Variants in MAST4 observed in about 807,000 individuals in gnomAD.
MAST4 encodes the protein microtubule-associated serine/threonine-protein kinase 4.
Under a neutral mutation model 162.7 loss-of-function variants are expected in MAST4, and 89 were observed. The observed-to-expected ratio is 0.55, with a 90% CI of 0.46 to 0.65. MAST4 has a LOEUF of 0.65. Ranked by LOEUF, MAST4 falls within the 30% of genes least tolerant of loss-of-function variation. The probability of loss-of-function intolerance (pLI) is 0.00; values close to 1 mark genes in which losing one functional copy is unlikely to be tolerated. For synonymous variants in MAST4, 1,479 were observed against 1,361.1 expected, an observed-to-expected ratio of 1.09 and a Z score of -1.91; for missense variants, 3,153 against 3,374.0, an observed-to-expected ratio of 0.93 and a Z score of 1.62.
chr5:66,995,700 C>A (rs966619428), intron 4 of MAST4, among the ~76,000 whole-genome samples: 1 of 152,100 alleles, frequency 6.6e-6, no homozygotes, highest in South Asian at 2.1e-4. Context: ...CATGCCCAGA[C>A]GAAAATTTTT....
chr5:67,061,158 C>CTG (rs10538886), intron 5 of MAST4, among the ~76,000 whole-genome samples: 8,920 of 151,254 alleles, frequency 0.059, 486 homozygotes, highest in East Asian at 0.2. Context: ...TGTATGTACT[C>CTG]TGTGTGTGTG....
At chr5:66,919,558 G>A (rs1046013269) in intron 4 of MAST4, among the ~76,000 whole-genome samples, 6 of 151,740 alleles carry the variant, frequency 4.0e-5, no homozygotes, top group Non-Finnish European at 5.9e-5. Context: ...CTACTTGGGA[G>A]GCTGAGGCAG....
intron 6 of MAST4, among the ~76,000 whole-genome samples, chr5:67,092,675 A>AT (rs1252922739): frequency 2.0e-5 from 3 of 152,218 alleles, no homozygotes. Flanking sequence ...CCTCCAAGAA[A>AT]TGCTGTGAGT....
At chr5:67,086,145 T>A (rs1311892404) in intron 5 of MAST4, among the ~76,000 whole-genome samples, 2 of 152,204 alleles carry the variant, frequency 1.3e-5, no homozygotes, top group Non-Finnish European at 2.9e-5. Context: ...AAATGGGGGC[T>A]TACTCTTTGA....
At chr5:67,102,667 A>G (rs1277991189) in intron 9 of MAST4, 56 bp downstream of exon 9, 5 of 1,391,886 alleles carry the variant, frequency 3.6e-6, no homozygotes, top group Non-Finnish European at 5.1e-6. Flanking sequence ...CCATAGGTTT[A>G]GAGTCTGTAA....
At chr5:67,004,759 C>T in intron 4 of MAST4, 2 of 483,602 alleles carry the variant, frequency 4.1e-6, no homozygotes, top group South Asian at 4.6e-5. Context: ...ATCAGTTTCC[C>T]GGACCTTTGA....
intron 4 of MAST4, among the ~76,000 whole-genome samples, chr5:67,031,038 A>G (rs1358727542): frequency 6.6e-6 from 1 of 152,120 alleles, no homozygotes; most frequent in Non-Finnish European, 1.5e-5. Flanking sequence ...ATTGATGTCT[A>G]TTGGGGATAA....
At chr5:67,081,852 A>G (rs1325573330) in intron 5 of MAST4, among the ~76,000 whole-genome samples, 2 of 152,214 alleles carry the variant, frequency 1.3e-5, no homozygotes, top group African/African-American at 4.8e-5. Flanking sequence ...CAATTTTTCT[A>G]TTACTTGTAA....
chr5:66,759,954 A>G, intron 2 of MAST4, 92 bp downstream of exon 2: 1 of 1,393,336 alleles, frequency 7.2e-7, no homozygotes, highest in Non-Finnish European at 9.7e-7. Flanking sequence ...CAGCTTTCTT[A>G]AGAATGGGCC....
chr5:66,600,970 T>C (rs4478267), intron 1 of MAST4, among the ~76,000 whole-genome samples: 23,816 of 152,124 alleles, frequency 0.16, 2,818 homozygotes, highest in African/African-American at 0.32. Context: ...AGTTAGGAAA[T>C]GGTTTCTCTT....
intron 1 of MAST4, among the ~76,000 whole-genome samples, chr5:66,686,354 CTG>C (rs1748655872): frequency 6.6e-6 from 1 of 152,108 alleles, no homozygotes; most frequent in African/African-American, 2.4e-5. Flanking sequence ...ATCATTGTGA[CTG>C]TGTACACTTC....
chr5:66,840,936 A>T (rs534376659), intron 3 of MAST4, among the ~76,000 whole-genome samples: 8 of 152,258 alleles, frequency 5.3e-5, no homozygotes, highest in African/African-American at 7.2e-5. Context: ...GGGGACAAGC[A>T]TATGTTGTGG....
intron 16 of MAST4, among the ~76,000 whole-genome samples, chr5:67,132,260 G>A (rs1769075620): frequency 6.6e-6 from 1 of 152,030 alleles, no homozygotes. Context: ...TGCCATGGTG[G>A]TGTATGCTGC....
chr5:67,063,916 G>A (rs1759931311), intron 5 of MAST4, among the ~76,000 whole-genome samples: 1 of 152,140 alleles, frequency 6.6e-6, no homozygotes, highest in African/African-American at 2.4e-5. Context: ...AAGACTGGAC[G>A]GGACATTTCT....
intron 1 of MAST4, among the ~76,000 whole-genome samples, chr5:66,667,984 T>TA (rs1185958848): frequency 6.6e-6 from 1 of 152,232 alleles, no homozygotes; most frequent in East Asian, 1.9e-4. Context: ...TCCTATTCAC[T>TA]ATATGGTAAG....
At chr5:66,637,330 AT>A (rs1231288405) in intron 1 of MAST4, among the ~76,000 whole-genome samples, 4 of 151,824 alleles carry the variant, frequency 2.6e-5, no homozygotes, top group African/African-American at 9.7e-5. Context: ...CTTAGGATAA[AT>A]TCCTGGAAGT....
intron 1 of MAST4, among the ~76,000 whole-genome samples, chr5:66,649,715 A>G (rs1411568318): frequency 6.6e-6 from 1 of 152,072 alleles, no homozygotes; most frequent in Non-Finnish European, 1.5e-5. Flanking sequence ...ACTCTGGACC[A>G]TTCTGGCCTC....
chr5:66,655,748 T>C (rs1297008820), intron 1 of MAST4, among the ~76,000 whole-genome samples: 1 of 152,214 alleles, frequency 6.6e-6, no homozygotes, highest in Non-Finnish European at 1.5e-5. Flanking sequence ...TGCATCATAA[T>C]GTGGTATGAA....
At chr5:66,956,990 T>A (rs187723040) in intron 4 of MAST4, among the ~76,000 whole-genome samples, 16 of 151,560 alleles carry the variant, frequency 1.1e-4, no homozygotes, top group Middle Eastern at 3.4e-3. Context: ...TATTTTGGAG[T>A]TTTGGAGGGC....
Sources: gnomAD v4.1 joint callset for allele counts (sites outside exome capture counted in the v4.1 genomes callset) on GRCh38, gnomAD v4.1.1 for gene constraint, MANE v1.5 for transcripts, NCBI Gene and HGNC (gene_info 2026-07-23, HGNC 2026-07-21) for gene names.